The following IRS1 variants were observed in gnomAD, a reference collection of about 807,000 sequenced individuals.
The protein encoded by IRS1 is insulin receptor substrate 1.
IRS1 carries 34 observed loss-of-function variants against 65.6 expected under a neutral mutation model. The ratio of observed to expected loss-of-function variants is 0.52; its 90% confidence interval spans 0.39 to 0.69. The LOEUF (loss-of-function observed/expected upper bound fraction) is 0.69. Ranked by LOEUF, IRS1 falls within the 30% of genes least tolerant of loss-of-function variation. The pLI is 0.00. For missense variants in IRS1, 1,641 were observed against 1,720.2 expected (o/e 0.95, Z 0.81); for synonymous variants, 699 against 683.5 (o/e 1.02, Z -0.35).
intron 1 of IRS1, among the ~76,000 whole-genome samples, chr2:226,747,713 A>T (rs913373852): frequency 6.6e-6 from 1 of 152,174 alleles, no homozygotes; most frequent in African/African-American, 2.4e-5. Flanking sequence ...AAACACGCTC[A>T]TGAGGCTCAA....
At position 226,799,629 on chromosome 2, in the gene IRS1, G is replaced by A. The variant is rs1939850601; in HGVS notation, c.-891C>T. 1 of 1,003,064 alleles carries A rather than the reference G, an allele frequency of 1.0e-6. No individual in the cohort carries two copies. The highest frequency in any genetic ancestry group is 1.2e-6 in the Non-Finnish European group (1 of 832,048). The allele number at this position is 1,003,064 out of a possible 1,614,324, so 62.1% of individuals were successfully genotyped here. ...CGGGGAAGACGCCTGTTCCTCGGGA[G>A]GCGCTGCCGCTGCAGTTACTTCTCC... On this transcript the variant is annotated 5_prime_UTR_variant, in exon 1 of 2. Transcript: ENST00000305123. The surrounding 1 kb of genome is among the most constrained non-coding windows in gnomAD (Gnocchi z 6.1).
At position 226,796,984 on chromosome 2, in the gene IRS1, C is replaced by T. The variant is rs756575183; in HGVS notation, c.1755G>A (p.Glu585=). 6.3e-7 allele frequency: 1 copy of T among 1,586,926 alleles called. No homozygotes were observed. Among genetic ancestry groups the T allele is most frequent in the South Asian group, 1.1e-5 (1 of 87,382 alleles). The change falls in exon 1 of 2, where the codon GAG becomes GAA. Residue 585 remains glutamate (E), a synonymous_variant. Coordinates refer to ENST00000305123, the MANE Select transcript of IRS1 (RefSeq NM_005544.3). Reference sequence around the variant, plus strand: ...GCTCCAAGGGGTGCATTTCCAGACCCTCCTCTGGGTAGGAGCGGGTGGGCA... The same window carrying T: ...GCTCCAAGGGGTGCATTTCCAGACCTTCCTCTGGGTAGGAGCGGGTGGGCA... ...AFVPTRSYPE[E]GLEMHPLERR... is the part of the protein sequence containing the mutation.
chr2:226,762,270 A>T (rs960037809), intron 1 of IRS1, among the ~76,000 whole-genome samples: 2 of 151,864 alleles, frequency 1.3e-5, no homozygotes, highest in African/African-American at 2.4e-5. Context: ...GTTATCATTG[A>T]TATCTTATTG....
intron 1 of IRS1, among the ~76,000 whole-genome samples, chr2:226,749,906 C>T (rs939073590): frequency 4.6e-5 from 7 of 152,186 alleles, no homozygotes; most frequent in African/African-American, 1.4e-4. Context: ...AAGTCTCAGG[C>T]CTGGTATTAT....
In IRS1 at chr2:226,770,471, G is replaced by C. The variant is rs73992207; in HGVS notation, c.*21+24518C>G. ...TTTCTCCCTCTAGAACATAAGCTCA[G>C]AAGTGTGGAAACGAAGTCTTATTCC... is the stretch of plus-strand genomic sequence containing the variant. On this transcript the variant is annotated intron_variant, in intron 1 of 1. Coordinates refer to ENST00000305123, the MANE Select transcript of IRS1 (RefSeq NM_005544.3). Among the ~76,000 whole-genome samples, 1,017 of 152,300 alleles carry C rather than the reference G, an allele frequency of 6.7e-3. 13 individuals are homozygous for C. Among genetic ancestry groups the C allele is most frequent in the African/African-American group, 0.023 (965 of 41,570 alleles).
In IRS1 at chr2:226,758,331, TACTACCATGACC is replaced by T. The variant is rs1446337137; in HGVS notation, c.*22-22093_*22-22082del. On this transcript the variant is annotated intron_variant, in intron 1 of 1. Coordinates refer to ENST00000305123, the MANE Select transcript of IRS1 (RefSeq NM_005544.3). ...TAGAACAGCAGCTATATCATTAGTCTACTACCATGACCACTACCATGACCAAACACGTGATGA... is the reference window on the plus strand; with the variant it reads ...TAGAACAGCAGCTATATCATTAGTCTACTACCATGACCAAACACGTGATGA... Among the ~76,000 whole-genome samples, 4 of 152,336 alleles carry T rather than the reference TACTACCATGACC, an allele frequency of 2.6e-5. No homozygotes were observed. The South Asian group carries it at 6.2e-4, about 24-fold the overall frequency.
intron 1 of IRS1, among the ~76,000 whole-genome samples, chr2:226,760,067 T>C (rs1469105040): frequency 6.6e-6 from 1 of 152,110 alleles, no homozygotes; most frequent in East Asian, 1.9e-4. Context: ...TCCCAGCTAC[T>C]TGGGGGGCTG....
chr2:226,768,780 G>T (rs1332857320), intron 1 of IRS1, among the ~76,000 whole-genome samples: 1 of 152,116 alleles, frequency 6.6e-6, no homozygotes, highest in Non-Finnish European at 1.5e-5. Flanking sequence ...GGGACTATAG[G>T]CGCCCCCCAC....
intron 1 of IRS1, among the ~76,000 whole-genome samples, chr2:226,769,331 T>C (rs1461855524): frequency 6.6e-6 from 1 of 152,202 alleles, no homozygotes; most frequent in Non-Finnish European, 1.5e-5. Context: ...GCAGTACACA[T>C]GGACACTGAA....
intron 1 of IRS1, among the ~76,000 whole-genome samples, chr2:226,736,564 A>T (rs1236630011): frequency 6.6e-6 from 1 of 152,214 alleles, no homozygotes; most frequent in Non-Finnish European, 1.5e-5. Flanking sequence ...AAGCAAAAAC[A>T]TACATCATTA....
At chr2:226,767,231 C>A (rs72965940) in intron 1 of IRS1, among the ~76,000 whole-genome samples, 1 of 152,170 alleles carries the variant, frequency 6.6e-6, no homozygotes, top group East Asian at 1.9e-4. Flanking sequence ...CAGTGCCAGT[C>A]AAATGGCAGC....
At chr2:226,757,670 C>CAGA in intron 1 of IRS1, among the ~76,000 whole-genome samples, 1 of 152,156 alleles carries the variant, frequency 6.6e-6, no homozygotes, top group Non-Finnish European at 1.5e-5. Context: ...CATGTGTTTC[C>CAGA]TACACTTATA....
At chr2:226,781,547 C>A (rs371661040) in intron 1 of IRS1, among the ~76,000 whole-genome samples, 2 of 152,102 alleles carry the variant, frequency 1.3e-5, no homozygotes, top group African/African-American at 2.4e-5. Context: ...TGCAAAGACG[C>A]TTTCCATGAG....
intron 1 of IRS1, among the ~76,000 whole-genome samples, chr2:226,738,878 C>A (rs1332502741): frequency 1.3e-5 from 2 of 152,160 alleles, no homozygotes; most frequent in African/African-American, 4.8e-5. Context: ...AAGCAAAGGG[C>A]ATATGGTATG....
chr2:226,736,413 T>C (rs1938326323), intron 1 of IRS1, among the ~76,000 whole-genome samples, 163 bp from the exon 2 acceptor site: 1 of 152,226 alleles, frequency 6.6e-6, no homozygotes, highest in Non-Finnish European at 1.5e-5. Flanking sequence ...ATTTAGCTTT[T>C]TATTTATTTC....
At position 226,796,091 on chromosome 2, in the gene IRS1, G is replaced by GGCTGCT. The variant is rs747646240; in HGVS notation, c.2642_2647dup (p.Gln881_Gln882dup). The GGCTGCT allele has an allele frequency of 6.8e-6, 11 of 1,612,142 alleles. No individual in the cohort carries two copies. Among genetic ancestry groups the GGCTGCT allele is most frequent in the South Asian group, 4.4e-5 (4 of 90,998 alleles). The stretch of plus-strand genomic sequence containing the variant: ...CTTGGGCTCTGGAGGGTGCAGCAAG[G>GGCTGCT]GCTGCTGCTGCTGCTGCTGCTCTCG... On this transcript the variant is annotated inframe_insertion, in exon 1 of 2. Transcript: ENST00000305123.
rs753171647 is a variant in IRS1 at position 226,796,314 on chromosome 2, A to G, written c.2425T>C (p.Ser809Pro). ...LYAATADDSS[S>P]STSSDSLGGG... ...CCCAGGCTGTCGCTGCTGGTGGAAGAGGAAGAATCATCTGCTGTTGCAGCA... is the reference window on the plus strand; with the variant it reads ...CCCAGGCTGTCGCTGCTGGTGGAAGGGGAAGAATCATCTGCTGTTGCAGCA... Residue 809 changes from serine to proline, a missense_variant, in exon 1 of 2, where the codon TCT becomes CCT. Around this residue, in one of 3 missense-constraint regions of IRS1, gnomAD observed 1,324 missense variants for 1,361.0 expected, o/e 0.97. Transcript: ENST00000305123. 17 of 1,613,342 alleles carry G rather than the reference A, an allele frequency of 1.1e-5. No individual in the cohort carries two copies. Among genetic ancestry groups the G allele is most frequent in the Non-Finnish European group, 1.4e-5 (17 of 1,180,038 alleles).
chr2:226,776,158 C>G (rs1317034771), intron 1 of IRS1, among the ~76,000 whole-genome samples: 1 of 152,058 alleles, frequency 6.6e-6, no homozygotes, highest in Non-Finnish European at 1.5e-5. Flanking sequence ...AGCAAGAACC[C>G]ACAATGATGG....
At position 226,795,800 on chromosome 2, in the gene IRS1, C is replaced by T. The variant is rs1251154706; in HGVS notation, c.2939G>A (p.Arg980Gln). The change falls in exon 1 of 2, where the codon CGG (arginine) becomes CAG (glutamine). Residue 980 changes from arginine to glutamine, a missense_variant. By Grantham distance (43) the Arg-to-Gln change is conservative (BLOSUM62 1). This residue lies in a region of IRS1 where 1,324 missense variants were observed against 1,361.0 expected (regional missense o/e 0.97). Coordinates refer to ENST00000305123, the MANE Select transcript of IRS1 (RefSeq NM_005544.3). ...PGAASICRPT[R>Q]AVPSSRGDYM... ...GTCACCCCGGCTGCTGGGCACTGCC[C>T]GGGTAGGCCTGCAAATGCTAGCAGC... The T allele has an allele frequency of 1.2e-5, 19 of 1,613,060 alleles. No individual in the cohort carries two copies. Among genetic ancestry groups the T allele is most frequent in the Admixed American group, 5.0e-5 (3 of 60,022 alleles).
Sources: allele counts gnomAD v4.1 joint callset (sites outside exome capture counted in the v4.1 genomes callset), GRCh38; gene constraint gnomAD v4.1.1; regional missense constraint gnomAD v4.1.1; non-coding constraint Gnocchi (gnomAD v3.1); transcripts MANE v1.5; gene names NCBI Gene and HGNC (gene_info 2026-07-23, HGNC 2026-07-21).